Variants in TMIGD3 observed in about 807,000 individuals in gnomAD.
TMIGD3 encodes AD026 protein (AD026).
TMIGD3 carries 21 observed loss-of-function variants against 28.1 expected under a neutral mutation model. The observed-to-expected ratio is 0.75, with a 90% confidence interval of 0.53 to 1.08. The LOEUF (loss-of-function observed/expected upper bound fraction) is 1.08, where lower values mean the gene tolerates loss of function less well. TMIGD3 is among the 50% of genes least tolerant of loss of function. The pLI, the probability that TMIGD3 is intolerant of heterozygous loss-of-function variation, is 0.00. For missense variants in TMIGD3, 416 were observed against 435.6 expected, an observed-to-expected ratio of 0.96 and a Z score of 0.40; for synonymous variants, 151 against 162.1, an observed-to-expected ratio of 0.93 and a Z score of 0.52.
chr1:111,504,615 G>A (rs1199880321), upstream of TMIGD3, among the ~76,000 whole-genome samples: 1 of 152,242 alleles, frequency 6.6e-6, no homozygotes, highest in Non-Finnish European at 1.5e-5. Context: ...CCCACACAGT[G>A]GCTTGAGGGC....
chr1:111,499,215 T>C (rs1655035770), intron 1 of TMIGD3, among the ~76,000 whole-genome samples: 1 of 152,090 alleles, frequency 6.6e-6, no homozygotes, highest in Admixed American at 6.6e-5. Context: ...CCAGGGGAAA[T>C]GAATAGGATT....
chr1:111,517,183 C>A (rs1003112941), intron 1 of TMIGD3, among the ~76,000 whole-genome samples: 1 of 152,210 alleles, frequency 6.6e-6, no homozygotes, highest in Non-Finnish European at 1.5e-5. Flanking sequence ...GTCTGAGGAA[C>A]CCTCGATAAA....
rs553401811 is a variant in TMIGD3 at position 111,555,440 on chromosome 1, T to G, written c.107+8406A>C. Among the ~76,000 whole-genome samples, 5 of 150,000 alleles carry G rather than the reference T, an allele frequency of 3.3e-5. No individual in the cohort carries two copies. In the East Asian group the frequency reaches 9.7e-4, roughly 29 times the overall value. On this transcript the variant is annotated intron_variant, in intron 1 of 5. Transcript: ENST00000369717. ...ACCAAATAGTTCCAGAAAAAAAATTTTTAATGTAATAATTAAATTTGAAAC... is the reference window on the plus strand; with the variant it reads ...ACCAAATAGTTCCAGAAAAAAAATTGTTAATGTAATAATTAAATTTGAAAC...
intron 1 of TMIGD3, among the ~76,000 whole-genome samples, chr1:111,549,126 G>T (rs921873590): frequency 1.9e-4 from 29 of 152,052 alleles, no homozygotes; most frequent in African/African-American, 7.0e-4. Context: ...AATGGATATT[G>T]GTCTGTTATT....
intron 1 of TMIGD3, among the ~76,000 whole-genome samples, chr1:111,526,979 T>C (rs1308266951): frequency 6.6e-6 from 1 of 150,474 alleles, no homozygotes; most frequent in African/African-American, 2.4e-5. Flanking sequence ...TTTCAGTTTG[T>C]AATATACATT....
At chr1:111,493,180 A>G (rs776935580) in intron 1 of TMIGD3, among the ~76,000 whole-genome samples, 16 of 152,180 alleles carry the variant, frequency 1.1e-4, no homozygotes, top group Non-Finnish European at 2.1e-4. Flanking sequence ...CTAGTCTGCT[A>G]TAGTTTGCAT....
At chr1:111,531,634 T>C (rs1656463042) in intron 1 of TMIGD3, among the ~76,000 whole-genome samples, 1 of 152,222 alleles carries the variant, frequency 6.6e-6, no homozygotes, top group Non-Finnish European at 1.5e-5. Context: ...TGCCAGATGA[T>C]TTTCTGATTG....
At chr1:111,507,009 ATGTGTGTGTGTGTG>A (rs1257817741), upstream of TMIGD3, among the ~76,000 whole-genome samples, 1 of 132,180 alleles carries the variant, frequency 7.6e-6, no homozygotes, top group Non-Finnish European at 1.6e-5. Context: ...ACACACACAT[ATGTGTGTGTGTGTG>A]TGTGTGTGTG....
chr1:111,516,275 A>T (rs1383497965), intron 1 of TMIGD3, among the ~76,000 whole-genome samples: 1 of 152,216 alleles, frequency 6.6e-6, no homozygotes, highest in Non-Finnish European at 1.5e-5. Context: ...ATCAACTTAA[A>T]AATAGCACCC....
intron 1 of TMIGD3, among the ~76,000 whole-genome samples, chr1:111,540,130 G>T (rs1262393414): frequency 1.3e-5 from 2 of 152,182 alleles, no homozygotes; most frequent in African/African-American, 4.8e-5. Flanking sequence ...TGATTATAGT[G>T]GTTTGTAATT....
At chr1:111,510,643 G>A (rs1244112323) in intron 1 of TMIGD3, among the ~76,000 whole-genome samples, 1 of 152,026 alleles carries the variant, frequency 6.6e-6, no homozygotes, top group Admixed American at 6.6e-5. Context: ...TTGGCTACCG[G>A]TGTTTTAATA....
At chr1:111,517,510 TG>T (rs374869969) in intron 1 of TMIGD3, among the ~76,000 whole-genome samples, 1 of 152,320 alleles carries the variant, frequency 6.6e-6, no homozygotes. Context: ...GAATTTGCCC[TG>T]AGTAGAGCAT....
intron 1 of TMIGD3, among the ~76,000 whole-genome samples, chr1:111,533,727 G>A (rs982782833): frequency 1.3e-5 from 2 of 152,012 alleles, no homozygotes; most frequent in African/African-American, 4.8e-5. Flanking sequence ...CTAATTTTTT[G>A]TATTTATCGT....
chr1:111,552,077 G>A (rs1279419071), intron 1 of TMIGD3, among the ~76,000 whole-genome samples: 1 of 152,200 alleles, frequency 6.6e-6, no homozygotes, highest in Non-Finnish European at 1.5e-5. Flanking sequence ...GTTATCCATT[G>A]TCTCAGTAGC....
intron 1 of TMIGD3, among the ~76,000 whole-genome samples, chr1:111,520,314 C>T (rs1270806417): frequency 1.3e-5 from 2 of 152,186 alleles, no homozygotes; most frequent in African/African-American, 2.4e-5. Context: ...TCTCAGTGTT[C>T]CCCAAAATCT....
At chr1:111,484,011 CAAAGCT>C (rs1228344307) in intron 5 of TMIGD3, among the ~76,000 whole-genome samples, 1 of 152,218 alleles carries the variant, frequency 6.6e-6, no homozygotes, top group East Asian at 1.9e-4. Context: ...CCAAGAATGT[CAAAGCT>C]AGGAGCCTTG....
At position 111,503,575 on chromosome 1, in the gene TMIGD3, C is replaced by G. The variant is rs41282522; in HGVS notation, c.-221G>C. ...ATCACAGGTGGGTCACTTCCAGCCC[C>G]TTTATGCACCGCACATCCTCAAGTT... On this transcript the variant is annotated 5_prime_UTR_variant, in exon 1 of 6. Transcript: ENST00000369716. 167,018 of 1,373,024 alleles carry G rather than the reference C, an allele frequency of 0.12. 11,133 individuals are homozygous for G. Among genetic ancestry groups the G allele is most frequent in the Middle Eastern group, 0.17 (614 of 3,650 alleles). 85.1% of individuals were successfully genotyped at this position (1,373,024 alleles called of 1,614,324 possible).
At chr1:111,523,967 T>A (rs978410172) in intron 1 of TMIGD3, among the ~76,000 whole-genome samples, 1 of 151,492 alleles carries the variant, frequency 6.6e-6, no homozygotes, top group Non-Finnish European at 1.5e-5. Flanking sequence ...TATCTTTATT[T>A]TTTCTCTTCT....
intron 1 of TMIGD3, chr1:111,500,080 A>T (rs528585080): frequency 6.2e-7 from 1 of 1,614,230 alleles, no homozygotes; most frequent in East Asian, 2.2e-5. Context: ...AGGGTTCATC[A>T]TGGAGTTGGC....
Sources: allele counts gnomAD v4.1 joint callset (sites outside exome capture counted in the v4.1 genomes callset), GRCh38; gene constraint gnomAD v4.1.1; transcripts MANE v1.5; gene names NCBI Gene and HGNC (gene_info 2026-07-23, HGNC 2026-07-21).